The following DLC1 variants were observed in gnomAD, a reference collection of about 807,000 sequenced individuals.
DLC1 encodes the protein rho GTPase-activating protein 7.
In DLC1, 54 loss-of-function variants were observed where a neutral mutation model predicts 140.3. That is an observed-to-expected ratio of 0.38 (90% CI 0.31 to 0.48). The LOEUF is 0.48. Among genes scored for constraint, DLC1 ranks in the 20% least tolerant of loss-of-function variants. DLC1 has a pLI of 0.96. For missense variants in DLC1, 2,536 were observed against 1,907.0 expected (o/e 1.33, Z -6.14); for synonymous variants, 986 against 728.1 (o/e 1.35, Z -5.70).
upstream of DLC1, among the ~76,000 whole-genome samples, chr8:13,516,820 A>C (rs992116436): frequency 6.6e-6 from 1 of 152,094 alleles, no homozygotes; most frequent in African/African-American, 2.4e-5. Flanking sequence ...GCGTGTATTC[A>C]TATGTTTTAT....
At chr8:13,245,847 C>G (rs1829741779) in intron 5 of DLC1, among the ~76,000 whole-genome samples, 1 of 151,820 alleles carries the variant, frequency 6.6e-6, no homozygotes. Flanking sequence ...ATTACAGGTG[C>G]CCACCACCAC....
At chr8:13,291,599 T>C (rs144371761) in intron 5 of DLC1, among the ~76,000 whole-genome samples, 2,963 of 152,322 alleles carry the variant, frequency 0.019, 39 homozygotes, top group Non-Finnish European at 0.029. Context: ...ATGTCACTTA[T>C]ATAGTATAGT....
intron 5 of DLC1, among the ~76,000 whole-genome samples, chr8:13,156,809 T>C (rs1451090885): frequency 2.0e-5 from 3 of 152,238 alleles, no homozygotes; most frequent in Non-Finnish European, 4.4e-5. Flanking sequence ...ACTAGATTTA[T>C]CCAGGGGCAA....
At chr8:13,425,730 C>T (rs1284693856) in intron 2 of DLC1, among the ~76,000 whole-genome samples, 1 of 152,052 alleles carries the variant, frequency 6.6e-6, no homozygotes, top group African/African-American at 2.4e-5. Flanking sequence ...AAAGCAAAAC[C>T]AACTTCCTCC....
At chr8:13,226,366 T>C (rs1828795955) in intron 5 of DLC1, among the ~76,000 whole-genome samples, 1 of 152,240 alleles carries the variant, frequency 6.6e-6, no homozygotes, top group Non-Finnish European at 1.5e-5. Flanking sequence ...TAGTGCTGCA[T>C]ACATGATGAA....
At chr8:13,312,927 A>G (rs6993409) in intron 4 of DLC1, among the ~76,000 whole-genome samples, 7,844 of 152,228 alleles carry the variant, frequency 0.052, 247 homozygotes, top group South Asian at 0.12. Flanking sequence ...TCAGAGACCA[A>G]TTGACTCAAA....
chr8:13,476,765 TA>T (rs527676985), intron 2 of DLC1, among the ~76,000 whole-genome samples: 2 of 152,284 alleles, frequency 1.3e-5, no homozygotes, highest in African/African-American at 2.4e-5. Context: ...TGTTCAACGG[TA>T]AAAAAACCCA....
At chr8:13,354,613 T>A (rs1834834307) in intron 4 of DLC1, among the ~76,000 whole-genome samples, 1 of 152,128 alleles carries the variant, frequency 6.6e-6, no homozygotes, top group Non-Finnish European at 1.5e-5. Flanking sequence ...CACTAATACT[T>A]AGCTCATTGG....
At chr8:13,375,493 C>T (rs1242350716) in intron 4 of DLC1, among the ~76,000 whole-genome samples, 1 of 152,136 alleles carries the variant, frequency 6.6e-6, no homozygotes, top group Middle Eastern at 3.2e-3. Context: ...AATTGAATAT[C>T]CTTTATTTCT....
chr8:13,129,588 T>A (rs998550196), intron 5 of DLC1, among the ~76,000 whole-genome samples: 3 of 152,150 alleles, frequency 2.0e-5, no homozygotes, highest in Admixed American at 2.0e-4. Flanking sequence ...ACTAAAGAAA[T>A]TAGTTCTCTC....
At chr8:13,480,710 C>T (rs1304418178) in intron 2 of DLC1, among the ~76,000 whole-genome samples, 8 of 152,150 alleles carry the variant, frequency 5.3e-5, no homozygotes, top group Admixed American at 5.2e-4. Context: ...TTGAGACCAG[C>T]CTCGCCAACA....
chr8:13,103,653 A>G (rs1222369340), intron 7 of DLC1, among the ~76,000 whole-genome samples: 1 of 151,960 alleles, frequency 6.6e-6, no homozygotes, highest in Non-Finnish European at 1.5e-5. Context: ...AGCCTGTCCA[A>G]CATGGCGAAA....
At chr8:13,322,264 G>A (rs1461668802) in intron 4 of DLC1, among the ~76,000 whole-genome samples, 1 of 152,058 alleles carries the variant, frequency 6.6e-6, no homozygotes, top group Non-Finnish European at 1.5e-5. Context: ...TTTTAGCTTT[G>A]AAAGAACAAT....
At chr8:13,366,056 T>C (rs908281942) in intron 4 of DLC1, among the ~76,000 whole-genome samples, 4 of 152,196 alleles carry the variant, frequency 2.6e-5, no homozygotes, top group Admixed American at 2.0e-4. Flanking sequence ...CAAACAAGAT[T>C]AATTTCTATG....
At chr8:13,249,283 G>A (rs565616222) in intron 5 of DLC1, among the ~76,000 whole-genome samples, 6 of 152,086 alleles carry the variant, frequency 3.9e-5, no homozygotes, top group South Asian at 2.1e-4. Flanking sequence ...TCACCATGTC[G>A]GCCAGGCTGG....
intron 5 of DLC1, among the ~76,000 whole-genome samples, chr8:13,271,605 A>T (rs1830934206): frequency 6.6e-6 from 1 of 152,258 alleles, no homozygotes; most frequent in Non-Finnish European, 1.5e-5. Flanking sequence ...TCTCACTTGC[A>T]TAGAGGTTTG....
chr8:13,554,297 C>G (rs1387958856), intron 1 of DLC1, among the ~76,000 whole-genome samples: 3 of 152,126 alleles, frequency 2.0e-5, no homozygotes, highest in Non-Finnish European at 4.4e-5. Flanking sequence ...AACTTCTGAC[C>G]TCAAGTGATC....
chr8:13,314,736 C>A (rs1323394620), intron 4 of DLC1, among the ~76,000 whole-genome samples: 1 of 152,128 alleles, frequency 6.6e-6, no homozygotes, highest in Non-Finnish European at 1.5e-5. Context: ...AAAAAGAATA[C>A]AGATTAAAAC....
intron 1 of DLC1, among the ~76,000 whole-genome samples, chr8:13,575,458 C>G (rs1489889279): frequency 2.0e-5 from 3 of 151,940 alleles, no homozygotes; most frequent in African/African-American, 7.3e-5. Context: ...GGGAGGATTC[C>G]CACATCTGGG....
Sources: gnomAD v4.1 joint callset for allele counts (sites outside exome capture counted in the v4.1 genomes callset) on GRCh38, gnomAD v4.1.1 for gene constraint, MANE v1.5 for transcripts, NCBI Gene and HGNC (gene_info 2026-07-23, HGNC 2026-07-21) for gene names.